FBH1: variants seen among roughly 807,000 people sequenced by gnomAD.
FBH1 encodes the protein F-box DNA helicase 1, also known as DNA 3'-5' helicase 1.
Under a neutral mutation model 115.5 loss-of-function variants are expected in FBH1, and 43 were observed. The ratio of observed to expected loss-of-function variants is 0.37; its 90% confidence interval spans 0.29 to 0.48. FBH1 has a LOEUF of 0.48. FBH1 is among the 20% of genes least tolerant of loss of function. FBH1 has a pLI of 0.99. For missense variants in FBH1, 1,001 were observed against 1,337.3 expected (o/e 0.75, Z 3.92); for synonymous variants, 524 against 507.8 (o/e 1.03, Z -0.43).
chr10:5,896,157 A>G (rs1056243279), intron 1 of FBH1, among the ~76,000 whole-genome samples: 11 of 152,074 alleles, frequency 7.2e-5, no homozygotes, highest in African/African-American at 2.7e-4. Flanking sequence ...CCTTCCTTTT[A>G]GTTCCCCGTA....
rs1437514795 is a variant in FBH1, at chr10:5,935,055, G to T, written c.2830-1401G>T. On this transcript the variant is annotated intron_variant, in intron 19 of 20. Transcript: ENST00000362091. The surrounding 1 kb of genome is among the most constrained non-coding windows in gnomAD (Gnocchi z 5.2). ...AGAGTTAAATGGCATAAAATCTAAA[G>T]AAATCAGAGAACACTGCATGTTAGG... The T allele has an allele frequency of 6.6e-6, 1 of 152,186 alleles. No individual in the cohort carries two copies. The highest frequency in any genetic ancestry group is 1.5e-5 in the Non-Finnish European group (1 of 68,024). The allele number at this position is 152,186 out of a possible 1,614,324, so 9.4% of individuals were successfully genotyped here.
In FBH1 at chr10:5,936,465, T is replaced by C; in HGVS notation, c.2839T>C (p.Leu947=). 5 of 1,613,818 alleles carry C rather than the reference T, an allele frequency of 3.1e-6. No homozygotes were observed. Among genetic ancestry groups the C allele is most frequent in the Non-Finnish European group, 4.2e-6 (5 of 1,179,874 alleles). The change falls in exon 20 of 21, where the codon TTG becomes CTG. Residue 947 remains leucine (L), a synonymous_variant. Transcript: ENST00000362091. The surrounding 1 kb of genome is among the most constrained non-coding windows in gnomAD (Gnocchi z 5.6). ...GCTCTTTCTTTCTCAGGAGTACTTC[T>C]TGCAAGCAGAGCTGACAAGCAACGT... ...NILTLAGEYF[L]QAELTSNVLK... is the part of the protein sequence containing the mutation.
intron 10 of FBH1, 63 bp downstream of exon 10, chr10:5,916,519 G>A: frequency 6.6e-7 from 1 of 1,512,474 alleles, no homozygotes; most frequent in Non-Finnish European, 9.1e-7. Context: ...GAAGTGTTAG[G>A]GATCTGAGGA....
intron 2 of FBH1, among the ~76,000 whole-genome samples, chr10:5,904,262 G>A (rs796342327): frequency 7.2e-5 from 11 of 152,006 alleles, no homozygotes; most frequent in African/African-American, 2.7e-4. Flanking sequence ...CAAACTCCTG[G>A]GCTCAAGAGA....
At chr10:5,916,610 A>G (rs1831969010) in intron 10 of FBH1, among the ~76,000 whole-genome samples, 154 bp downstream of exon 10, 2 of 99,294 alleles carry the variant, frequency 2.0e-5, no homozygotes, top group Admixed American at 9.7e-5. Context: ...GGGAAACGGG[A>G]AGTGTTAGGG....
At chr10:5,889,887 C>G (rs867043211), upstream of FBH1, 32 of 161,884 alleles carry the variant, frequency 2.0e-4, no homozygotes, top group African/African-American at 7.4e-4. Context: ...GTCCTCAGGG[C>G]CGCCCCAGCC....
In FBH1 at chr10:5,917,352, G is replaced by T. The variant is rs1832029876; in HGVS notation, c.1789-68G>T. The T allele has an allele frequency of 1.5e-6, 2 of 1,329,930 alleles. No individual in the cohort carries two copies. Among genetic ancestry groups the T allele is most frequent in the African/African-American group, 2.9e-5 (2 of 69,808 alleles). The allele number at this position is 1,329,930 out of a possible 1,614,324, so 82.4% of individuals were successfully genotyped here. A position where few individuals can be genotyped will look rare whatever the true frequency, so the allele number is the denominator to read the frequency against. On this transcript the variant is annotated intron_variant, in intron 10 of 20. Transcript: ENST00000362091. The surrounding 1 kb of genome is among the most constrained non-coding windows in gnomAD (Gnocchi z 5.6). ...CTCCACTGCTGTATGGGAGTTGACA[G>T]TGTGACCGCAGGGTGCTGCCTTTGC...
At chr10:5,930,152 T>C (rs891304031) in intron 19 of FBH1, among the ~76,000 whole-genome samples, 3 of 152,204 alleles carry the variant, frequency 2.0e-5, no homozygotes, top group African/African-American at 7.2e-5. Flanking sequence ...CCAAAAAATA[T>C]GTACTTTTTT....
In FBH1 at chr10:5,897,136, G is replaced by C. The variant is rs1843056107; in HGVS notation, c.2-5884G>C. Reference sequence around the variant, plus strand: ...ACATATTTCTTCTGACGTTTCTGTTGCTAGGTGTTGACATAGATTTAGAGA... The same window carrying C: ...ACATATTTCTTCTGACGTTTCTGTTCCTAGGTGTTGACATAGATTTAGAGA... On this transcript the variant is annotated intron_variant, in intron 1 of 20. Coordinates refer to ENST00000362091, the MANE Select transcript of FBH1 (RefSeq NM_178150.3). The surrounding 1 kb of genome is among the most constrained non-coding windows in gnomAD (Gnocchi z 4.7). 6.6e-6 allele frequency among the ~76,000 whole-genome samples: 1 copy of C among 152,170 alleles called. No homozygotes were observed. The highest frequency in any genetic ancestry group is 2.4e-5 in the African/African-American group (1 of 41,444).
At position 5,925,421 on chromosome 10, in the gene FBH1, A is replaced by G. The variant is rs765680390; in HGVS notation, c.2651A>G (p.His884Arg). The G allele has an allele frequency of 6.2e-7, 1 of 1,614,216 alleles. No homozygotes were observed. The change falls in exon 18 of 21, where the codon CAT (histidine) becomes CGT (arginine). Residue 884 changes from histidine to arginine, a missense_variant. Around this residue, in one of 4 missense-constraint regions of FBH1, gnomAD observed 521 missense variants for 811.0 expected, o/e 0.64. Transcript: ENST00000362091. This position sits in a 1 kb window ranked among gnomAD's most constrained non-coding sequence, Gnocchi z 4.6. ...AAAGGCCTGGAGTTTGACACTGTGC[A>G]TGTTTTGGATGATTTTGTGAAAGTG... Reference protein sequence around the residue: ...KAKGLEFDTVHVLDDFVKVPC... With the variant: ...KAKGLEFDTVRVLDDFVKVPC...
At chr10:5,899,497 G>C (rs1347121680) in intron 1 of FBH1, among the ~76,000 whole-genome samples, 1 of 151,878 alleles carries the variant, frequency 6.6e-6, no homozygotes, top group African/African-American at 2.4e-5. Context: ...CCCTTCATCA[G>C]GACACATAGT....
rs1239265656 is a variant in FBH1 at position 5,896,768 on chromosome 10, TCAC to T, written c.2-6248_2-6246del. Among the ~76,000 whole-genome samples the T allele has an allele frequency of 6.6e-5, 10 of 152,208 alleles. No homozygotes were observed. The East Asian group carries it at 1.7e-3, about 27-fold the overall frequency. ...ACAGCTTCCCTTTATCTGTGGTCATTCACCACAGATAATTTCATTCCCTAAAGA... is the reference window on the plus strand; with the variant it reads ...ACAGCTTCCCTTTATCTGTGGTCATTCACAGATAATTTCATTCCCTAAAGA... On this transcript the variant is annotated intron_variant, in intron 1 of 20. Transcript: ENST00000362091.
In FBH1 at chr10:5,911,086, T is replaced by C; in HGVS notation, c.1169T>C (p.Leu390Pro). The C allele has an allele frequency of 1.2e-6, 2 of 1,613,422 alleles. No homozygotes were observed. The highest frequency in any genetic ancestry group is 1.7e-6 in the Non-Finnish European group (2 of 1,179,920). The change falls in exon 6 of 21, where the codon CTT (leucine) becomes CCT (proline). Residue 390 changes from leucine (L) to proline (P), a missense_variant. Leu to Pro is a moderately conservative substitution (Grantham distance 98). Around this residue, in one of 4 missense-constraint regions of FBH1, gnomAD observed 59 missense variants for 79.7 expected, o/e 0.74. Transcript: ENST00000362091. This position sits in a 1 kb window ranked among gnomAD's most constrained non-coding sequence, Gnocchi z 5.4. Reference protein sequence around the residue: ...VTETLYCIAVLLYAMREKGIN... With the variant: ...VTETLYCIAVPLYAMREKGIN... Reference sequence around the variant, plus strand: ...GAGACCCTGTACTGCATAGCCGTGCTTCTCTACGCCATGAGGGAGAAGGGG... The same window carrying C: ...GAGACCCTGTACTGCATAGCCGTGCCTCTCTACGCCATGAGGGAGAAGGGG...
At position 5,890,269 on chromosome 10, in the gene FBH1, C is replaced by T; in HGVS notation, c.-77C>T. 5.4e-6 allele frequency: 2 copies of T among 369,134 alleles called. No individual in the cohort carries two copies. The highest frequency in any genetic ancestry group is 4.1e-5 in the East Asian group (1 of 24,352). The allele number at this position is 369,134 out of a possible 1,614,324, so 22.9% of individuals were successfully genotyped here. A position where few individuals can be genotyped will look rare whatever the true frequency, so the allele number is the denominator to read the frequency against. On this transcript the variant is annotated 5_prime_UTR_variant, in exon 1 of 21. Coordinates refer to ENST00000362091, the MANE Select transcript of FBH1 (RefSeq NM_178150.3). The stretch of plus-strand genomic sequence containing the variant: ...TCCCGGCCAGAGGAGGAGCTCGCTG[C>T]CGGGGGACGCTGGGCTGAGCGGCCG...
In FBH1 at chr10:5,900,610, T is replaced by C. The variant is rs1425570039; in HGVS notation, c.2-2410T>C. Among the ~76,000 whole-genome samples the C allele has an allele frequency of 1.3e-5, 2 of 152,246 alleles. No homozygotes were observed. Among genetic ancestry groups the C allele is most frequent in the African/African-American group, 4.8e-5 (2 of 41,462 alleles). On this transcript the variant is annotated intron_variant, in intron 1 of 20. Coordinates refer to ENST00000362091, the MANE Select transcript of FBH1 (RefSeq NM_178150.3). This position sits in a 1 kb window ranked among gnomAD's most constrained non-coding sequence, Gnocchi z 4.2. ...GGGCTCTCAGAACTGCTTTTGTTTG[T>C]AGAATTGATTTTGGAAAAGTCTTAA...
Position 5,925,436 on chromosome 10 carries a change from T to C in FBH1, c.2666T>C (p.Phe889Ser). ...EFDTVHVLDD[F>S]VKVPCARHNL... ...GACACTGTGCATGTTTTGGATGATT[T>C]TGTGAAAGTGCCTTGTGCCCGGCAT... Residue 889 changes from phenylalanine (F) to serine (S), a missense_variant, in exon 18 of 21, where the codon TTT (phenylalanine) becomes TCT (serine). By Grantham distance (155) the Phe-to-Ser change is radical (BLOSUM62 -2). Transcript: ENST00000362091. The surrounding 1 kb of genome is among the most constrained non-coding windows in gnomAD (Gnocchi z 4.6). 1 of 1,614,204 alleles carries C rather than the reference T, an allele frequency of 6.2e-7. No homozygotes were observed. The highest frequency in any genetic ancestry group is 8.5e-7 in the Non-Finnish European group (1 of 1,180,046).
Position 5,906,541 on chromosome 10 carries a change from G to T in FBH1, c.662G>T (p.Arg221Met). The change falls in exon 3 of 21, where the codon AGG (arginine) becomes ATG (methionine). Residue 221 changes from arginine to methionine, a missense_variant. By Grantham distance (91) the Arg-to-Met change is moderately conservative (BLOSUM62 -1). Coordinates refer to ENST00000362091, the MANE Select transcript of FBH1 (RefSeq NM_178150.3). The surrounding 1 kb of genome is among the most constrained non-coding windows in gnomAD (Gnocchi z 7.3). ...TGCAGCCTGCCTAGTGAGGTCCTGA[G>T]GCACGTGTTTGCCTTCCTCCCGGTG... ...HICSLPSEVLRHVFAFLPVED... is the reference protein window; with the variant it reads ...HICSLPSEVLMHVFAFLPVED... The T allele has an allele frequency of 6.2e-7, 1 of 1,614,136 alleles. No homozygotes were observed. Among genetic ancestry groups the T allele is most frequent in the South Asian group, 1.1e-5 (1 of 91,072 alleles).
chr10:5,894,394 A>T, intron 1 of FBH1: 3 of 1,595,166 alleles, frequency 1.9e-6, no homozygotes, highest in Non-Finnish European at 2.6e-6. Context: ...AGCTGCTTTC[A>T]AGGTGTCTAG....
rs1831421089 is a variant in FBH1 at position 5,909,422 on chromosome 10, T to C, written c.1020+128T>C. On this transcript the variant is annotated intron_variant, in intron 5 of 20. Transcript: ENST00000362091. The surrounding 1 kb of genome is among the most constrained non-coding windows in gnomAD (Gnocchi z 4.4). ...GTCTGTATTTAATCTCTGAATGCTT[T>C]GAAGCATTCATGTTGTCATTGTCCC... 3.7e-6 allele frequency: 4 copies of C among 1,090,006 alleles called. No individual in the cohort carries two copies. Among genetic ancestry groups the C allele is most frequent in the South Asian group, 1.7e-5 (1 of 59,414 alleles). 67.5% of individuals were successfully genotyped at this position (1,090,006 alleles called of 1,614,324 possible).
Sources: gnomAD v4.1 joint callset for allele counts (sites outside exome capture counted in the v4.1 genomes callset) on GRCh38, gnomAD v4.1.1 for gene constraint, gnomAD v4.1.1 regional missense constraint, Gnocchi (gnomAD v3.1) non-coding constraint, MANE v1.5 for transcripts, NCBI Gene and HGNC (gene_info 2026-07-23, HGNC 2026-07-21) for gene names.